Variants in NBAS observed in about 807,000 individuals in gnomAD.
NBAS encodes NBAS subunit of NRZ tethering complex.
A neutral mutation model predicts 302.5 loss-of-function variants in NBAS; 219 were observed. The ratio of observed to expected loss-of-function variants is 0.72; its 90% CI spans 0.65 to 0.81. NBAS has a LOEUF of 0.81. NBAS is among the 30% of genes least tolerant of loss of function. NBAS has a pLI of 0.00. For synonymous variants in NBAS, 1,118 were observed against 1,021.6 expected (o/e 1.09, Z -1.80); for missense variants, 2,932 against 2,841.6 (o/e 1.03, Z -0.72).
rs1176316441 is a variant in NBAS, at chr2:15,558,198, C to T, written c.172+382G>A. 3.3e-5 allele frequency among the ~76,000 whole-genome samples: 5 copies of T among 152,116 alleles called. No homozygotes were observed. In the South Asian group the frequency reaches 6.2e-4, roughly 19 times the overall value. On this transcript the variant is annotated intron_variant, in intron 2 of 51. Coordinates refer to ENST00000281513, the MANE Select transcript of NBAS (RefSeq NM_015909.4). ...CACTTCCCTGATAATCTAATGCTGC[C>T]GCTTATCTGACAGGAAGTGGAGCTC...
the NBAS span, among the ~76,000 whole-genome samples, chr2:14,980,665 G>A: frequency 6.7e-6 from 1 of 149,092 alleles, no homozygotes; most frequent in Admixed American, 6.7e-5. Context: ...AATGTGAATA[G>A]GCAGGAAAAA....
the NBAS span, among the ~76,000 whole-genome samples, chr2:15,085,010 G>A: frequency 0.053 from 8,078 of 152,290 alleles, 503 homozygotes; most frequent in African/African-American, 0.13. Context: ...GCAGGGAGGA[G>A]GCGGACAGCG....
chr2:15,430,472 T>A (rs893285883), intron 21 of NBAS, among the ~76,000 whole-genome samples: 1 of 152,218 alleles, frequency 6.6e-6, no homozygotes, highest in Non-Finnish European at 1.5e-5. Flanking sequence ...CTGACTGATC[T>A]CCTACTATGG....
At chr2:15,406,118 A>C (rs544432673) in intron 25 of NBAS, among the ~76,000 whole-genome samples, 2 of 148,548 alleles carry the variant, frequency 1.3e-5, no homozygotes, top group African/African-American at 5.1e-5. Context: ...AAAAAAAACA[A>C]AACAAAAAAA....
At chr2:15,121,974 C>A in the NBAS span, among the ~76,000 whole-genome samples, 2 of 152,148 alleles carry the variant, frequency 1.3e-5, no homozygotes, top group Non-Finnish European at 2.9e-5. Flanking sequence ...CTTCATCAGA[C>A]CACCAGTGGG....
the NBAS span, among the ~76,000 whole-genome samples, chr2:14,829,238 G>C: frequency 1.2e-4 from 18 of 152,040 alleles, no homozygotes; most frequent in Non-Finnish European, 2.4e-4. Flanking sequence ...AGGTCTACAT[G>C]TGCTTCATGA....
rs1341505091 is a variant in NBAS, at chr2:15,229,355, A to C, written c.6236+3067T>G. On this transcript the variant is annotated intron_variant, in intron 47 of 51. Coordinates refer to ENST00000281513, the MANE Select transcript of NBAS (RefSeq NM_015909.4). ...GACTCTGTCTCAAAAAACAAAAAAA[A>C]AAAAAAAAAAAAAAAAAAAGAACAT... is the stretch of plus-strand genomic sequence containing the variant. 1.4e-3 allele frequency among the ~76,000 whole-genome samples: 211 copies of C among 145,868 alleles called. 2 individuals are homozygous for C. Among genetic ancestry groups the C allele is most frequent in the East Asian group, 0.014 (69 of 5,076 alleles).
intron 9 of NBAS, among the ~76,000 whole-genome samples, chr2:15,520,971 A>T (rs1008025187): frequency 3.9e-5 from 6 of 152,258 alleles, no homozygotes; most frequent in African/African-American, 1.4e-4. Flanking sequence ...AGTAGGATTC[A>T]GCATATATAA....
intron 23 of NBAS, among the ~76,000 whole-genome samples, chr2:15,419,823 TG>T (rs1431367223): frequency 6.6e-6 from 1 of 152,086 alleles, no homozygotes; most frequent in Non-Finnish European, 1.5e-5. Context: ...ACCATTCTCC[TG>T]CCTCAGCCTC....
intron 50 of NBAS, among the ~76,000 whole-genome samples, chr2:15,183,253 A>T (rs1382557915): frequency 6.6e-6 from 1 of 152,170 alleles, no homozygotes; most frequent in Non-Finnish European, 1.5e-5. Context: ...AACAGTACAT[A>T]CCATTTGCAA....
chr2:14,895,805 C>T, the NBAS span, among the ~76,000 whole-genome samples: 5 of 151,334 alleles, frequency 3.3e-5, no homozygotes, highest in East Asian at 5.8e-4. Flanking sequence ...AATGGGTACG[C>T]TTGGATACAC....
chr2:14,839,615 C>T, the NBAS span, among the ~76,000 whole-genome samples: 2 of 152,022 alleles, frequency 1.3e-5, no homozygotes, highest in African/African-American at 4.8e-5. Flanking sequence ...CTTTCCATTC[C>T]ATCAGGATAT....
the NBAS span, among the ~76,000 whole-genome samples, chr2:14,862,386 G>A: frequency 9.9e-4 from 150 of 152,154 alleles, 2 homozygotes; most frequent in African/African-American, 3.4e-3. Context: ...CAAAGTGCTG[G>A]GATTACAAGC....
intron 32 of NBAS, among the ~76,000 whole-genome samples, chr2:15,358,405 T>C (rs932479503): frequency 6.6e-6 from 1 of 151,970 alleles, no homozygotes; most frequent in Non-Finnish European, 1.5e-5. Flanking sequence ...TATGTGTGTG[T>C]GTGCGCACAC....
the NBAS span, among the ~76,000 whole-genome samples, chr2:14,833,137 A>C: frequency 1.3e-5 from 2 of 152,190 alleles, no homozygotes; most frequent in East Asian, 3.9e-4. Context: ...TGTTAAATTA[A>C]TCAAAAATTA....
the NBAS span, among the ~76,000 whole-genome samples, chr2:15,003,723 G>C: frequency 6.6e-6 from 1 of 152,214 alleles, no homozygotes; most frequent in Non-Finnish European, 1.5e-5. Context: ...CAGCTTCTCA[G>C]AAGTCATTAC....
At chr2:15,328,512 A>G (rs1672180771) in intron 36 of NBAS, among the ~76,000 whole-genome samples, 200 bp from the exon 37 acceptor site, 1 of 152,198 alleles carries the variant, frequency 6.6e-6, no homozygotes, top group Non-Finnish European at 1.5e-5. Context: ...ATGAAGGATC[A>G]TAACTACATG....
chr2:15,232,402 A>G lies in NBAS; in HGVS notation c.6236+20T>C, dbSNP rs771108659. ...GAGGAAAGCCAGTTAATGAAGATGC[A>G]CATACTGTTCTAGTCTTACCCCTTG... On this transcript the variant is annotated intron_variant, in intron 47 of 51. Coordinates refer to ENST00000281513, the MANE Select transcript of NBAS (RefSeq NM_015909.4). 5 of 1,607,986 alleles carry G rather than the reference A, an allele frequency of 3.1e-6. No homozygotes were observed. The highest frequency in any genetic ancestry group is 8.5e-7 in the Non-Finnish European group (1 of 1,174,712).
At chr2:15,220,183 C>G (rs868055732) in intron 47 of NBAS, among the ~76,000 whole-genome samples, 262 of 130,670 alleles carry the variant, frequency 2.0e-3, no homozygotes, top group African/African-American at 7.1e-3. Context: ...GGGGGGCTGA[C>G]CCCCCCACCT....
Sources: allele counts gnomAD v4.1 joint callset (sites outside exome capture counted in the v4.1 genomes callset), GRCh38; gene constraint gnomAD v4.1.1; transcripts MANE v1.5; gene names NCBI Gene and HGNC (gene_info 2026-07-23, HGNC 2026-07-21).